SPATA31H1: variants seen among roughly 807,000 people sequenced by gnomAD.
The protein encoded by SPATA31H1 is SPATA31 subfamily H member 1.
chr2:27,549,445 C>G, the SPATA31H1 span, among the ~76,000 whole-genome samples: 1 of 151,598 alleles, frequency 6.6e-6, no homozygotes, highest in East Asian at 1.9e-4. Context: ...TCAAGTGATC[C>G]GACCACCTCA....
At chr2:27,542,501 T>C in the SPATA31H1 span, among the ~76,000 whole-genome samples, 25 of 152,022 alleles carry the variant, frequency 1.6e-4, no homozygotes, top group Non-Finnish European at 3.1e-4. Context: ...AGGACAGATA[T>C]AGAATATTTG....
chr2:27,562,118 T>G, the SPATA31H1 span, among the ~76,000 whole-genome samples: 1 of 152,238 alleles, frequency 6.6e-6, no homozygotes, highest in African/African-American at 2.4e-5. Context: ...TCCATTGGTC[T>G]ATGTGTTCCT....
the SPATA31H1 span, chr2:27,581,510 T>C: frequency 1.3e-6 from 2 of 1,580,710 alleles, no homozygotes; most frequent in Non-Finnish European, 1.7e-6. Flanking sequence ...AGAGAAGACA[T>C]CACAGTCCCT....
At chr2:27,567,881 G>A in the SPATA31H1 span, 1 of 399,026 alleles carries the variant, frequency 2.5e-6, no homozygotes, top group Middle Eastern at 6.3e-4. Flanking sequence ...CAATGGGGAT[G>A]ATCCCAGAAT....
chr2:27,578,235 C>T, the SPATA31H1 span: 1 of 1,614,112 alleles, frequency 6.2e-7, no homozygotes, highest in East Asian at 2.2e-5. Context: ...TTCAGAGCAC[C>T]ACACAGGGCC....
chr2:27,579,175 C>T, the SPATA31H1 span: 28 of 1,614,012 alleles, frequency 1.7e-5, no homozygotes, highest in Non-Finnish European at 2.1e-5. Context: ...AAGTCTTTCC[C>T]GGGCAGACAA....
At chr2:27,539,261 C>CGGCCT in the SPATA31H1 span, among the ~76,000 whole-genome samples, 1 of 140,910 alleles carries the variant, frequency 7.1e-6, no homozygotes, top group African/African-American at 3.2e-5. Context: ...TGCGGCCTTC[C>CGGCCT]GGCCTTCCGC....
the SPATA31H1 span, among the ~76,000 whole-genome samples, chr2:27,564,167 G>T: frequency 1.3e-5 from 2 of 152,254 alleles, no homozygotes; most frequent in African/African-American, 4.8e-5. Flanking sequence ...AAGCCAGTAT[G>T]AGGATAGACT....
At chr2:27,581,426 CGA>C in the SPATA31H1 span, 1 of 1,613,626 alleles carries the variant, frequency 6.2e-7, no homozygotes, top group Middle Eastern at 1.7e-4. Context: ...GCAGTCCCCC[CGA>C]GAGGAGCTGT....
At chr2:27,570,278 T>C in the SPATA31H1 span, 1 of 398,838 alleles carries the variant, frequency 2.5e-6, no homozygotes. Context: ...TTCTGTCTAC[T>C]GAAGGATCAC....
chr2:27,570,717 C>T, the SPATA31H1 span: 1 of 398,700 alleles, frequency 2.5e-6, no homozygotes, highest in East Asian at 3.6e-5. Context: ...GCAAGGGGTA[C>T]CACCTGTGAC....
At chr2:27,545,215 G>A in the SPATA31H1 span, among the ~76,000 whole-genome samples, 1 of 151,790 alleles carries the variant, frequency 6.6e-6, no homozygotes, top group East Asian at 1.9e-4. Flanking sequence ...GAGAGATGGA[G>A]TTTTGCCATG....
At chr2:27,564,596 C>T in the SPATA31H1 span, among the ~76,000 whole-genome samples, 6 of 152,062 alleles carry the variant, frequency 3.9e-5, no homozygotes, top group African/African-American at 9.7e-5. Flanking sequence ...GTGGGCGGAT[C>T]ACCTCAGGTC....
chr2:27,566,222 CTTA>C, the SPATA31H1 span: 1 of 710,832 alleles, frequency 1.4e-6, no homozygotes, highest in Admixed American at 2.0e-5. Context: ...TTAAATCTCT[CTTA>C]TTGTTTTCCT....
the SPATA31H1 span, among the ~76,000 whole-genome samples, chr2:27,539,937 C>T: frequency 1.1e-4 from 14 of 131,936 alleles, no homozygotes; most frequent in African/African-American, 3.7e-4. Flanking sequence ...CCACCTCCCT[C>T]CCGGACGGGG....
the SPATA31H1 span, chr2:27,572,235 T>C: frequency 1.3e-5 from 5 of 398,354 alleles, no homozygotes; most frequent in East Asian, 3.6e-5. Flanking sequence ...AGGACCACAG[T>C]TGCACCAAGT....
chr2:27,578,916 A>T, the SPATA31H1 span: 6 of 1,614,080 alleles, frequency 3.7e-6, no homozygotes, highest in African/African-American at 8.0e-5. Flanking sequence ...AGAGACCTAT[A>T]TAGACCCTAC....
chr2:27,582,295 C>CCCGT, the SPATA31H1 span: 15 of 1,610,002 alleles, frequency 9.3e-6, no homozygotes, highest in Non-Finnish European at 1.3e-5. Flanking sequence ...TGTGAGAGAA[C>CCCGT]CCGTCACAGT....
At chr2:27,574,594 A>G in the SPATA31H1 span, 4 of 398,426 alleles carry the variant, frequency 1.0e-5, no homozygotes, top group African/African-American at 8.2e-5. Context: ...CAAAGTATGA[A>G]ATCAATGGAT....
Sources: gnomAD v4.1 joint callset for allele counts (sites outside exome capture counted in the v4.1 genomes callset) on GRCh38, gnomAD v4.1.1 for gene constraint, MANE v1.5 for transcripts, NCBI Gene and HGNC (gene_info 2026-07-23, HGNC 2026-07-21) for gene names.